PPP1R12A: variants seen among roughly 807,000 people sequenced by gnomAD.
PPP1R12A encodes myosin binding subunit.
Under a neutral mutation model 139.6 loss-of-function variants are expected in PPP1R12A, and 19 were observed. The observed-to-expected ratio is 0.14, with a 90% confidence interval of 0.09 to 0.20. The LOEUF (loss-of-function observed/expected upper bound fraction) is 0.20, where lower values mean the gene tolerates loss of function less well. Ranked by LOEUF, PPP1R12A falls within the 10% of genes least tolerant of loss-of-function variation. PPP1R12A has a pLI of 1.00. For synonymous variants in PPP1R12A, 427 were observed against 420.6 expected (o/e 1.02, Z -0.19); for missense variants, 925 against 1,211.5 (o/e 0.76, Z 3.51).
At chr12:79,778,868 C>T in intron 23 of PPP1R12A, 1 of 262,470 alleles carries the variant, frequency 3.8e-6, no homozygotes, top group Non-Finnish European at 7.3e-6. Context: ...TTTTTGAGTT[C>T]ATGTAAAACT....
At chr12:79,789,396 T>C (rs1159131737) in intron 20 of PPP1R12A, among the ~76,000 whole-genome samples, 1 of 152,222 alleles carries the variant, frequency 6.6e-6, no homozygotes, top group Non-Finnish European at 1.5e-5. Context: ...CAATTGATGA[T>C]GCATTATAGT....
chr12:79,879,199 G>A (rs2137368033), intron 1 of PPP1R12A, among the ~76,000 whole-genome samples: 1 of 152,126 alleles, frequency 6.6e-6, no homozygotes, highest in East Asian at 1.9e-4. Context: ...GGCCAACACG[G>A]CAAAACCCCG....
Position 79,832,370 on chromosome 12 carries a change from A to C in PPP1R12A, c.609T>G (p.Leu203=). The stretch of plus-strand genomic sequence containing the variant: ...TATAGCCTTTAGCAGCTGCAACGTG[A>C]AGTGCTGTACCTCCAGATTTTGCAT... The part of the protein sequence containing the change: ...VRHAKSGGTA[L]HVAAAKGYTE... The change falls in exon 4 of 25, where the codon CTT becomes CTG. Residue 203 remains leucine (L), a synonymous_variant. Coordinates refer to ENST00000450142, the MANE Select transcript of PPP1R12A (RefSeq NM_002480.3). The C allele has an allele frequency of 6.2e-7, 1 of 1,612,884 alleles. No homozygotes were observed. Among genetic ancestry groups the C allele is most frequent in the East Asian group, 2.2e-5 (1 of 44,804 alleles).
intron 1 of PPP1R12A, among the ~76,000 whole-genome samples, chr12:79,902,364 A>G (rs1592799691): frequency 6.6e-6 from 1 of 152,152 alleles, no homozygotes; most frequent in African/African-American, 2.4e-5. Flanking sequence ...TTATACATAC[A>G]GTATTTCATC....
intron 5 of PPP1R12A, among the ~76,000 whole-genome samples, chr12:79,827,796 G>T (rs1166598520): frequency 6.6e-6 from 1 of 152,096 alleles, no homozygotes; most frequent in Non-Finnish European, 1.5e-5. Context: ...AAGACTAGAT[G>T]ATGTTGCATC....
intron 6 of PPP1R12A, among the ~76,000 whole-genome samples, chr12:79,821,908 T>G (rs1876163151): frequency 6.6e-6 from 1 of 152,176 alleles, no homozygotes; most frequent in African/African-American, 2.4e-5. Flanking sequence ...AGTATTCATT[T>G]TGAGAAGGGG....
intron 2 of PPP1R12A, among the ~76,000 whole-genome samples, chr12:79,861,028 G>C (rs1185427290): frequency 6.6e-6 from 1 of 152,194 alleles, no homozygotes; most frequent in Non-Finnish European, 1.5e-5. Flanking sequence ...ACACTTTGGT[G>C]CTGATTTCGA....
At chr12:79,855,816 TTA>T (rs1457334562) in intron 2 of PPP1R12A, among the ~76,000 whole-genome samples, 2 of 152,158 alleles carry the variant, frequency 1.3e-5, no homozygotes, top group Admixed American at 1.3e-4. Flanking sequence ...AACTTAAAAT[TTA>T]TGTTTTCATT....
chr12:79,799,926 C>T (rs1322469385), intron 14 of PPP1R12A, among the ~76,000 whole-genome samples: 1 of 152,012 alleles, frequency 6.6e-6, no homozygotes, highest in Non-Finnish European at 1.5e-5. Flanking sequence ...AGAGGATCAC[C>T]TGAGCCTGGA....
chr12:79,886,024 C>G lies in PPP1R12A; in HGVS notation c.238-13086G>C, dbSNP rs115270653. 5.2e-3 allele frequency among the ~76,000 whole-genome samples: 794 copies of G among 152,124 alleles called. 5 individuals carry two copies. The highest frequency in any genetic ancestry group is 0.018 in the African/African-American group (745 of 41,500). ...CAGAAACAATTCTTTATGACTCTTA[C>G]GACAAGCTCAACTGGTACAAGCAGA... On this transcript the variant is annotated intron_variant, in intron 1 of 24. Coordinates refer to ENST00000450142, the MANE Select transcript of PPP1R12A (RefSeq NM_002480.3).
chr12:79,894,328 G>GA (rs1299980758), intron 1 of PPP1R12A, among the ~76,000 whole-genome samples: 2 of 152,182 alleles, frequency 1.3e-5, no homozygotes, highest in Non-Finnish European at 2.9e-5. Context: ...AGACAGAACT[G>GA]AAGACAGAGT....
intron 1 of PPP1R12A, among the ~76,000 whole-genome samples, chr12:79,908,844 C>T (rs1324125238): frequency 1.3e-5 from 2 of 152,126 alleles, no homozygotes; most frequent in Non-Finnish European, 2.9e-5. Flanking sequence ...TTGTTATATA[C>T]CACCCATGAT....
At position 79,794,975 on chromosome 12, in the gene PPP1R12A, G is replaced by A. The variant is rs1490625668; in HGVS notation, c.2583+663C>T. ...AAAATGAGGATGATAGGGATTGAGA[G>A]GGAGAACATGGGGGCAATCTACACT... On this transcript the variant is annotated intron_variant, in intron 18 of 24. Transcript: ENST00000450142. 4.0e-5 allele frequency among the ~76,000 whole-genome samples: 6 copies of A among 149,664 alleles called. No individual in the cohort carries two copies. In the East Asian group the frequency reaches 9.9e-4, roughly 25 times the overall value.
At chr12:79,892,818 T>C (rs758284206) in intron 1 of PPP1R12A, among the ~76,000 whole-genome samples, 1 of 152,172 alleles carries the variant, frequency 6.6e-6, no homozygotes, top group Non-Finnish European at 1.5e-5. Context: ...TAAATGCTCT[T>C]TGAGGTCAGG....
chr12:79,907,674 G>A (rs1335887335), intron 1 of PPP1R12A, among the ~76,000 whole-genome samples: 1 of 152,176 alleles, frequency 6.6e-6, no homozygotes, highest in Non-Finnish European at 1.5e-5. Context: ...CAAGGCAGGA[G>A]GATCACTTGA....
chr12:79,796,135 G>C (rs1245065757), intron 17 of PPP1R12A, among the ~76,000 whole-genome samples: 1 of 152,066 alleles, frequency 6.6e-6, no homozygotes, highest in Non-Finnish European at 1.5e-5. Flanking sequence ...ATTTTCTGCT[G>C]TTTATTCTAC....
chr12:79,890,905 C>CACACACA lies in PPP1R12A; in HGVS notation c.238-17968_238-17967insTGTGTGT, dbSNP rs1491145335. Among the ~76,000 whole-genome samples the CACACACA allele has an allele frequency of 9.0e-3, 1,046 of 115,718 alleles. 14 individuals are homozygous for CACACACA. Among genetic ancestry groups the CACACACA allele is most frequent in the Admixed American group, 0.015 (173 of 11,318 alleles). 75.9% of individuals were successfully genotyped at this position (115,718 alleles called of 152,430 possible). A position where few individuals can be genotyped will look rare whatever the true frequency, so the allele number is the denominator to read the frequency against. ...ACACACACCACCCACCCACACCCAC[C>CACACACA]CACACACACACACACACACACACAC... On this transcript the variant is annotated intron_variant, in intron 1 of 24. Coordinates refer to ENST00000450142, the MANE Select transcript of PPP1R12A (RefSeq NM_002480.3).
intron 24 of PPP1R12A, chr12:79,777,701 GAA>G (rs920958641): frequency 4.4e-6 from 4 of 917,624 alleles, no homozygotes; most frequent in Non-Finnish European, 5.2e-6. Flanking sequence ...TAAGAAAATG[GAA>G]AAGAGTATAA....
At chr12:79,777,395 T>C (rs1869866143) in intron 24 of PPP1R12A, 1 of 984,354 alleles carries the variant, frequency 1.0e-6, no homozygotes, top group African/African-American at 1.7e-5. Flanking sequence ...CATGCATAAT[T>C]AGTTATATGA....
Sources: gnomAD v4.1 joint callset for allele counts (sites outside exome capture counted in the v4.1 genomes callset) on GRCh38, gnomAD v4.1.1 for gene constraint, MANE v1.5 for transcripts, NCBI Gene and HGNC (gene_info 2026-07-23, HGNC 2026-07-21) for gene names.